The following POLR3B variants were observed in gnomAD, a reference collection of about 807,000 sequenced individuals.
POLR3B encodes the protein DNA-directed RNA polymerase III subunit RPC2.
POLR3B carries 96 observed loss-of-function variants against 147.4 expected under a neutral mutation model. That is an observed-to-expected ratio of 0.65 (90% CI 0.55 to 0.77). POLR3B has a LOEUF of 0.77. POLR3B is among the 30% of genes least tolerant of loss of function. The probability of loss-of-function intolerance (pLI) is 0.00; values close to 1 mark genes in which losing one functional copy is unlikely to be tolerated. For missense variants in POLR3B, 1,036 were observed against 1,413.5 expected, an observed-to-expected ratio of 0.73 and a Z score of 4.28; for synonymous variants, 461 against 485.9, an observed-to-expected ratio of 0.95 and a Z score of 0.67.
intron 13 of POLR3B, among the ~76,000 whole-genome samples, chr12:106,428,839 G>T (rs2037470228): frequency 6.6e-6 from 1 of 152,122 alleles, no homozygotes; most frequent in African/African-American, 2.4e-5. Flanking sequence ...AGAAACTCAA[G>T]GTTCCAAAGT....
Position 106,357,869 on chromosome 12 carries a change from T to G in POLR3B, c.-11T>G. On this transcript the variant is annotated 5_prime_UTR_variant, in exon 1 of 28. Transcript: ENST00000228347. The stretch of plus-strand genomic sequence containing the variant: ...GAGGTTCTATCTGTTTCTTCCTCCT[T>G]CGTGAGCAGCATGGACGTGCTAGCG... The G allele has an allele frequency of 6.2e-7, 1 of 1,613,064 alleles. No homozygotes were observed. Among genetic ancestry groups the G allele is most frequent in the Non-Finnish European group, 8.5e-7 (1 of 1,179,732 alleles).
intron 12 of POLR3B, among the ~76,000 whole-genome samples, chr12:106,416,442 T>A (rs1309324725): frequency 1.3e-5 from 2 of 151,588 alleles, no homozygotes; most frequent in Non-Finnish European, 2.9e-5. Context: ...GCCCCTCCCA[T>A]CTGTCTGGAG....
intron 6 of POLR3B, among the ~76,000 whole-genome samples, chr12:106,371,380 G>A (rs1184730798): frequency 6.6e-6 from 1 of 152,114 alleles, no homozygotes; most frequent in Non-Finnish European, 1.5e-5. Context: ...AGTCAGTGTG[G>A]CGATTCCTCA....
chr12:106,397,878 G>A (rs1466986206), intron 10 of POLR3B, among the ~76,000 whole-genome samples: 1 of 152,192 alleles, frequency 6.6e-6, no homozygotes, highest in Admixed American at 6.5e-5. Context: ...AGCCAAGATG[G>A]CCAAATAGGA....
At chr12:106,415,947 T>C in intron 12 of POLR3B, among the ~76,000 whole-genome samples, 1 of 152,154 alleles carries the variant, frequency 6.6e-6, no homozygotes, top group Non-Finnish European at 1.5e-5. Context: ...ACTCTATGCA[T>C]ATACAAATAT....
At chr12:106,368,140 C>G in intron 4 of POLR3B, among the ~76,000 whole-genome samples, 1 of 151,774 alleles carries the variant, frequency 6.6e-6, no homozygotes, top group Non-Finnish European at 1.5e-5. Flanking sequence ...CAGATTGACT[C>G]TGGTGTCCTT....
chr12:106,487,572 C>T (rs770526486), intron 23 of POLR3B, among the ~76,000 whole-genome samples: 6 of 152,240 alleles, frequency 3.9e-5, no homozygotes, highest in Non-Finnish European at 1.5e-5. Flanking sequence ...AAGCTTACTT[C>T]GACAAAGCTG....
chr12:106,470,382 G>A (rs572861091), intron 23 of POLR3B, among the ~76,000 whole-genome samples: 42 of 152,024 alleles, frequency 2.8e-4, no homozygotes, highest in African/African-American at 9.2e-4. Flanking sequence ...CAGCTTCCTC[G>A]CAATGGGTTA....
At chr12:106,457,628 A>G (rs1284767420) in intron 21 of POLR3B, among the ~76,000 whole-genome samples, 1 of 152,236 alleles carries the variant, frequency 6.6e-6, no homozygotes, top group Non-Finnish European at 1.5e-5. Flanking sequence ...CTTACAGACT[A>G]CTTTAGAATT....
chr12:106,498,787 A>T (rs1035614893), intron 25 of POLR3B, among the ~76,000 whole-genome samples: 3 of 152,126 alleles, frequency 2.0e-5, no homozygotes, highest in Non-Finnish European at 4.4e-5. Flanking sequence ...GGTTTCGCCA[A>T]GTTGGCCAGG....
intron 19 of POLR3B, among the ~76,000 whole-genome samples, chr12:106,445,795 T>C (rs1277014457): frequency 6.6e-6 from 1 of 152,166 alleles, no homozygotes; most frequent in Non-Finnish European, 1.5e-5. Flanking sequence ...TGCATTTGGG[T>C]AACAACCAGA....
intron 1 of POLR3B, among the ~76,000 whole-genome samples, chr12:106,360,444 C>T (rs2036454971): frequency 6.6e-6 from 1 of 152,208 alleles, no homozygotes; most frequent in Non-Finnish European, 1.5e-5. Context: ...TAGATTAAAT[C>T]CCACATATCT....
At chr12:106,436,909 C>G in intron 16 of POLR3B, 148 bp from the exon 17 acceptor site, 1 of 700,862 alleles carries the variant, frequency 1.4e-6, no homozygotes, top group Non-Finnish European at 2.6e-6. Flanking sequence ...CCATGCTCAT[C>G]CATACAAAAA....
intron 23 of POLR3B, among the ~76,000 whole-genome samples, chr12:106,490,900 C>T (rs1364469707): frequency 6.6e-6 from 1 of 152,124 alleles, no homozygotes; most frequent in East Asian, 1.9e-4. Context: ...AACTATTCCC[C>T]AATAGATATC....
intron 10 of POLR3B, among the ~76,000 whole-genome samples, chr12:106,402,495 A>G (rs1345659895): frequency 1.3e-5 from 2 of 152,242 alleles, no homozygotes; most frequent in Non-Finnish European, 2.9e-5. Context: ...AAGAGCCCGC[A>G]TCGCCAAGTC....
chr12:106,396,469 A>C (rs181793750), intron 10 of POLR3B, among the ~76,000 whole-genome samples: 22 of 152,318 alleles, frequency 1.4e-4, no homozygotes, highest in Non-Finnish European at 2.2e-4. Flanking sequence ...AATTCCAAAC[A>C]CTGTACTAAT....
At position 106,365,794 on chromosome 12, in the gene POLR3B, C is replaced by T. The variant is rs756021738; in HGVS notation, c.106-722C>T. Among the ~76,000 whole-genome samples, 9 of 150,986 alleles carry T rather than the reference C, an allele frequency of 6.0e-5. No individual in the cohort carries two copies. In the South Asian group the frequency reaches 6.3e-4, roughly 11 times the overall value. ...GAACTGCTTGATGCAGGGAGGCGGA[C>T]GTTGCAGTGAGCCGAGATCGCACCA... On this transcript the variant is annotated intron_variant, in intron 2 of 27. Transcript: ENST00000228347.
At chr12:106,448,038 T>TC (rs2037745611) in intron 19 of POLR3B, among the ~76,000 whole-genome samples, 1 of 152,160 alleles carries the variant, frequency 6.6e-6, no homozygotes, top group Admixed American at 6.5e-5. Flanking sequence ...CTACACCTCC[T>TC]CCCCCTTTCT....
At chr12:106,416,247 G>A (rs772134141) in intron 12 of POLR3B, among the ~76,000 whole-genome samples, 2 of 152,198 alleles carry the variant, frequency 1.3e-5, no homozygotes, top group Non-Finnish European at 2.9e-5. Flanking sequence ...TGTTGCTGCA[G>A]AAATTGACAT....
Sources: allele counts gnomAD v4.1 joint callset (sites outside exome capture counted in the v4.1 genomes callset), GRCh38; gene constraint gnomAD v4.1.1; transcripts MANE v1.5; gene names NCBI Gene and HGNC (gene_info 2026-07-23, HGNC 2026-07-21).